The following SOS1 variants were observed in gnomAD, a reference collection of about 807,000 sequenced individuals.
SOS1 encodes the protein son of sevenless homolog 1.
SOS1 carries 25 observed loss-of-function variants against 157.6 expected under a neutral mutation model. The observed-to-expected ratio is 0.16, with a 90% CI of 0.12 to 0.22. The LOEUF is 0.22. Ranked by LOEUF, SOS1 falls within the 10% of genes least tolerant of loss-of-function variation. The probability of loss-of-function intolerance (pLI) is 1.00; values close to 1 mark genes in which losing one functional copy is unlikely to be tolerated. For missense variants in SOS1, 1,237 were observed against 1,599.1 expected, an observed-to-expected ratio of 0.77 and a Z score of 3.86; for synonymous variants, 528 against 534.0, an observed-to-expected ratio of 0.99 and a Z score of 0.16.
chr2:39,073,202 T>A (rs1380371555), intron 1 of SOS1, among the ~76,000 whole-genome samples: 3 of 152,224 alleles, frequency 2.0e-5, no homozygotes, highest in Non-Finnish European at 2.9e-5. Context: ...ACGGCAGTCT[T>A]CAGAAGCCAT....
chr2:39,104,855 A>C (rs1673104700), intron 1 of SOS1, among the ~76,000 whole-genome samples: 1 of 152,352 alleles, frequency 6.6e-6, no homozygotes, highest in African/African-American at 2.4e-5. Flanking sequence ...TTAAATATCT[A>C]GAAGAGGTAA....
intron 1 of SOS1, among the ~76,000 whole-genome samples, chr2:39,075,612 T>C (rs1210128013): frequency 6.9e-5 from 2 of 28,860 alleles, no homozygotes; most frequent in Non-Finnish European, 3.6e-4. Context: ...GAGACCAGCC[T>C]GGAGAAAACA....
At chr2:39,048,761 GTTTA>G (rs1377864108) in intron 6 of SOS1, among the ~76,000 whole-genome samples, 1 of 151,992 alleles carries the variant, frequency 6.6e-6, no homozygotes, top group African/African-American at 2.4e-5. Context: ...TTAGCTGTGT[GTTTA>G]TTTTTATTTG....
intron 4 of SOS1, among the ~76,000 whole-genome samples, chr2:39,056,304 C>T (rs1671208303): frequency 6.6e-6 from 1 of 152,028 alleles, no homozygotes; most frequent in South Asian, 2.1e-4. Flanking sequence ...GTAATCCCAG[C>T]TACTCAGGAG....
intron 1 of SOS1, among the ~76,000 whole-genome samples, chr2:39,071,995 G>C (rs114765616): frequency 1.3e-5 from 2 of 149,982 alleles, no homozygotes; most frequent in African/African-American, 4.9e-5. Context: ...ACCCCATTTA[G>C]GAAGACTTTC....
chr2:39,054,075 T>C (rs1477602250), intron 5 of SOS1, among the ~76,000 whole-genome samples: 5 of 152,022 alleles, frequency 3.3e-5, no homozygotes, highest in Non-Finnish European at 5.9e-5. Context: ...TTACAGACGC[T>C]CGCCACCACG....
At chr2:39,075,142 T>C (rs1671926453) in intron 1 of SOS1, among the ~76,000 whole-genome samples, 1 of 152,058 alleles carries the variant, frequency 6.6e-6, no homozygotes, top group Admixed American at 6.5e-5. Flanking sequence ...GCAAAACTAG[T>C]TGGAATGATG....
At chr2:39,113,657 T>C (rs1558520000) in intron 1 of SOS1, among the ~76,000 whole-genome samples, 1 of 152,198 alleles carries the variant, frequency 6.6e-6, no homozygotes, top group African/African-American at 2.4e-5. Context: ...CGTAATAGTA[T>C]CCTATGAGAA....
chr2:39,049,900 T>C (rs1409763183), intron 6 of SOS1, among the ~76,000 whole-genome samples: 1 of 152,238 alleles, frequency 6.6e-6, no homozygotes, highest in African/African-American at 2.4e-5. Flanking sequence ...AGGAGGGACT[T>C]GAGCAAGAAA....
chr2:39,116,092 T>C (rs1673640415), intron 1 of SOS1, among the ~76,000 whole-genome samples: 1 of 152,264 alleles, frequency 6.6e-6, no homozygotes, highest in Non-Finnish European at 1.5e-5. Context: ...TTCATCTATA[T>C]TTATGGCTTT....
chr2:39,022,043 A>T (rs1669814896), intron 10 of SOS1, among the ~76,000 whole-genome samples: 1 of 151,792 alleles, frequency 6.6e-6, no homozygotes. Context: ...CTGACTATAG[A>T]CATTTCTAGG....
intron 1 of SOS1, among the ~76,000 whole-genome samples, chr2:39,102,617 T>G (rs1673013721): frequency 6.7e-6 from 1 of 150,110 alleles, no homozygotes; most frequent in Non-Finnish European, 1.5e-5. Flanking sequence ...GATTTTGAAG[T>G]CCAGAAGATC....
At chr2:39,036,429 C>T (rs916325608) in intron 6 of SOS1, among the ~76,000 whole-genome samples, 1 of 152,174 alleles carries the variant, frequency 6.6e-6, no homozygotes, top group Non-Finnish European at 1.5e-5. Flanking sequence ...TGGCTCACTA[C>T]AACCTCTGCC....
At chr2:39,067,480 G>A (rs928935579) in intron 2 of SOS1, 148 bp downstream of exon 2, 9 of 773,154 alleles carry the variant, frequency 1.2e-5, no homozygotes, top group East Asian at 7.5e-5. Context: ...TCTGGATAAG[G>A]GATACTCAAC....
At chr2:39,059,913 A>C (rs1572861583) in intron 2 of SOS1, among the ~76,000 whole-genome samples, 1 of 152,140 alleles carries the variant, frequency 6.6e-6, no homozygotes, top group African/African-American at 2.4e-5. Flanking sequence ...AAATTATAGC[A>C]GTTAAAAATG....
Position 39,022,860 on chromosome 2 carries a change from C to T in SOS1, c.1568G>A (p.Ser523Asn), listed in dbSNP as rs1156669922. The T allele has an allele frequency of 6.2e-7, 1 of 1,611,992 alleles. No individual in the cohort carries two copies. Among genetic ancestry groups the T allele is most frequent in the Non-Finnish European group, 8.5e-7 (1 of 1,178,534 alleles). The change falls in exon 10 of 23, where the codon AGT (serine) becomes AAT (asparagine). Residue 523 changes from serine to asparagine, a missense_variant. Ser to Asn is a conservative substitution (Grantham distance 46, BLOSUM62 1). Around this residue, in one of 15 missense-constraint regions of SOS1, gnomAD observed 210 missense variants for 220.2 expected, o/e 0.95. Coordinates refer to ENST00000402219, the MANE Select transcript of SOS1 (RefSeq NM_005633.4). Reference protein sequence around the residue: ...AFEIILKDENSVIFSAKSAEE... With the variant: ...AFEIILKDENNVIFSAKSAEE... ...AGCTGACTTGGCAGAAAATATAACA[C>T]TATTTTCATCTTTTAAAATTATTTC... is the stretch of plus-strand genomic sequence containing the variant.
intron 8 of SOS1, among the ~76,000 whole-genome samples, chr2:39,028,003 G>T (rs1324152516): frequency 6.6e-6 from 1 of 151,946 alleles, no homozygotes; most frequent in African/African-American, 2.4e-5. Flanking sequence ...GAAAATTTTT[G>T]TATTTTTAGT....
At position 38,986,589 on chromosome 2, in the gene SOS1, C is replaced by T. The variant is rs12329307; in HGVS notation, c.3511-274G>A. 0.041 allele frequency among the ~76,000 whole-genome samples: 6,305 copies of T among 151,986 alleles called. 499 individuals carry two copies. Among genetic ancestry groups the T allele is most frequent in the African/African-American group, 0.15 (6,020 of 41,394 alleles). On this transcript the variant is annotated intron_variant, in intron 22 of 22. Coordinates refer to ENST00000402219, the MANE Select transcript of SOS1 (RefSeq NM_005633.4). ...CAAGTGATCCCCCGACCTCAGCATC[C>T]CAAGCAGCAAGGACCACTGGCATGT...
intron 1 of SOS1, among the ~76,000 whole-genome samples, chr2:39,101,611 A>T (rs527933514): frequency 6.6e-6 from 1 of 152,178 alleles, no homozygotes; most frequent in Non-Finnish European, 1.5e-5. Context: ...ACAAAGCAAC[A>T]TTTATATTAG....
Sources: gnomAD v4.1 joint callset for allele counts (sites outside exome capture counted in the v4.1 genomes callset) on GRCh38, gnomAD v4.1.1 for gene constraint, gnomAD v4.1.1 regional missense constraint, MANE v1.5 for transcripts, NCBI Gene and HGNC (gene_info 2026-07-23, HGNC 2026-07-21) for gene names.